The following EYS variants were observed in gnomAD, a reference collection of about 807,000 sequenced individuals.
EYS encodes protein eyes shut homolog.
A neutral mutation model predicts 282.1 loss-of-function variants in EYS; 250 were observed. The observed-to-expected ratio is 0.89, with a 90% CI of 0.80 to 0.98. EYS has a LOEUF of 0.98. Ranked by LOEUF, EYS falls within the 50% of genes least tolerant of loss-of-function variation. The pLI, the probability that EYS is intolerant of heterozygous loss-of-function variation, is 0.00. For synonymous variants in EYS, 1,355 were observed against 1,282.9 expected, an observed-to-expected ratio of 1.06 and a Z score of -1.20; for missense variants, 4,016 against 3,709.0, an observed-to-expected ratio of 1.08 and a Z score of -2.15.
chr6:64,751,917 G>A (rs1388568332), intron 22 of EYS, among the ~76,000 whole-genome samples: 1 of 151,990 alleles, frequency 6.6e-6, no homozygotes, highest in Non-Finnish European at 1.5e-5. Context: ...GCCATTTAAA[G>A]CACCCAGAAC....
At chr6:64,194,350 G>A (rs1482069535) in intron 31 of EYS, among the ~76,000 whole-genome samples, 2 of 152,192 alleles carry the variant, frequency 1.3e-5, no homozygotes, top group African/African-American at 4.8e-5. Context: ...GCATAGGTAA[G>A]TAACTTTAAA....
intron 15 of EYS, among the ~76,000 whole-genome samples, chr6:64,930,571 C>T (rs1478540154): frequency 6.7e-6 from 1 of 149,968 alleles, no homozygotes; most frequent in African/African-American, 2.4e-5. Flanking sequence ...AAGTTTTTAA[C>T]TTATTAAATG....
chr6:64,103,125 G>A (rs1772890442), intron 31 of EYS, among the ~76,000 whole-genome samples: 1 of 152,050 alleles, frequency 6.6e-6, no homozygotes, highest in African/African-American at 2.4e-5. Context: ...GAACAAGATG[G>A]TTTGAATCAA....
intron 13 of EYS, among the ~76,000 whole-genome samples, chr6:65,027,713 T>A (rs760019061): frequency 1.3e-5 from 2 of 152,186 alleles, no homozygotes; most frequent in Non-Finnish European, 2.9e-5. Context: ...TTAAGACTTA[T>A]CAGTATTGTA....
intron 42 of EYS, among the ~76,000 whole-genome samples, chr6:63,722,545 G>T (rs541398571): frequency 6.6e-6 from 1 of 152,266 alleles, no homozygotes; most frequent in East Asian, 1.9e-4. Context: ...AAAAGTAAAG[G>T]CAATTCTGCA....
chr6:64,553,605 T>C (rs1765158426), intron 26 of EYS, among the ~76,000 whole-genome samples: 1 of 130,716 alleles, frequency 7.7e-6, no homozygotes, highest in African/African-American at 2.9e-5. Context: ...GCAATCACTA[T>C]AGCAACAAGC....
At chr6:64,642,984 A>T (rs1206310270) in intron 22 of EYS, among the ~76,000 whole-genome samples, 1 of 152,140 alleles carries the variant, frequency 6.6e-6, no homozygotes, top group Non-Finnish European at 1.5e-5. Flanking sequence ...GCGTGGTGGC[A>T]CATGCCTCTA....
At chr6:65,541,537 T>C (rs2127321510) in intron 2 of EYS, among the ~76,000 whole-genome samples, 1 of 152,304 alleles carries the variant, frequency 6.6e-6, no homozygotes, top group Admixed American at 6.5e-5. Flanking sequence ...CCAGACTATA[T>C]TTTAACACAT....
At chr6:65,620,859 A>G (rs371446276) in intron 2 of EYS, among the ~76,000 whole-genome samples, 2 of 152,104 alleles carry the variant, frequency 1.3e-5, no homozygotes, top group African/African-American at 2.4e-5. Flanking sequence ...GTAGTTGAGC[A>G]GTTTTGAGTG....
chr6:64,155,469 G>A (rs1191894167), intron 31 of EYS, among the ~76,000 whole-genome samples: 1 of 151,894 alleles, frequency 6.6e-6, no homozygotes, highest in Non-Finnish European at 1.5e-5. Context: ...AGGCTCTGTG[G>A]ACCCAGCTCT....
At chr6:65,193,051 A>G (rs184214606) in intron 12 of EYS, among the ~76,000 whole-genome samples, 1 of 151,978 alleles carries the variant, frequency 6.6e-6, no homozygotes, top group Admixed American at 6.6e-5. Context: ...GAGGTCATTA[A>G]GTGAAGTTAG....
intron 22 of EYS, among the ~76,000 whole-genome samples, chr6:64,687,318 T>C (rs1011973176): frequency 6.6e-6 from 1 of 152,162 alleles, no homozygotes; most frequent in African/African-American, 2.4e-5. Context: ...AAGTAATATG[T>C]TACAAAAATA....
chr6:65,447,321 TATATGTGTGTGTATATATATATATAA>T (rs1562189603), intron 5 of EYS, among the ~76,000 whole-genome samples: 5 of 86,434 alleles, frequency 5.8e-5, no homozygotes, highest in Non-Finnish European at 8.0e-5. Context: ...TGTGTGTATA[TATATGTGTGTGTATATATATATATAA>T]ATATATGTAT....
At chr6:65,581,230 G>A (rs192394226) in intron 2 of EYS, among the ~76,000 whole-genome samples, 5 of 151,896 alleles carry the variant, frequency 3.3e-5, no homozygotes, top group East Asian at 3.9e-4. Context: ...AAATATAGAG[G>A]GGAAAAAAGT....
intron 12 of EYS, among the ~76,000 whole-genome samples, chr6:65,270,216 G>T (rs1315183251): frequency 6.6e-6 from 1 of 152,176 alleles, no homozygotes; most frequent in Admixed American, 6.6e-5. Context: ...TAGGAAAGAA[G>T]GAAGGGGTGA....
chr6:65,382,375 T>C (rs1765646740), intron 8 of EYS, among the ~76,000 whole-genome samples: 1 of 151,792 alleles, frequency 6.6e-6, no homozygotes, highest in Non-Finnish European at 1.5e-5. Context: ...AGATGTTCCT[T>C]TGTTAGTTAA....
At chr6:63,760,296 A>G (rs1160941366) in intron 41 of EYS, among the ~76,000 whole-genome samples, 1 of 152,064 alleles carries the variant, frequency 6.6e-6, no homozygotes, top group East Asian at 1.9e-4. Context: ...GGTTATATGT[A>G]TAGTTGTAAA....
chr6:63,839,960 A>G (rs1325735350), intron 36 of EYS, among the ~76,000 whole-genome samples: 4 of 151,526 alleles, frequency 2.6e-5, no homozygotes, highest in African/African-American at 7.3e-5. Context: ...CTTGCTGATA[A>G]ATGATTTTGA....
intron 5 of EYS, among the ~76,000 whole-genome samples, chr6:65,436,620 A>T (rs1768084466): frequency 1.3e-5 from 2 of 152,162 alleles, no homozygotes; most frequent in Non-Finnish European, 2.9e-5. Context: ...AATGGTTGAG[A>T]ACCCTGTTCT....
Sources: gnomAD v4.1 joint callset for allele counts (sites outside exome capture counted in the v4.1 genomes callset) on GRCh38, gnomAD v4.1.1 for gene constraint, MANE v1.5 for transcripts, NCBI Gene and HGNC (gene_info 2026-07-23, HGNC 2026-07-21) for gene names.